The following PDLIM5 variants were observed in gnomAD, a reference collection of about 807,000 sequenced individuals.
PDLIM5 encodes the protein PDZ and LIM domain protein 5.
PDLIM5 carries 34 observed loss-of-function variants against 64.2 expected under a neutral mutation model. That is an observed-to-expected ratio of 0.53 (90% CI 0.40 to 0.71). PDLIM5 has a LOEUF of 0.71. Among genes scored for constraint, PDLIM5 ranks in the 30% least tolerant of loss-of-function variants. The pLI is 0.00. For synonymous variants in PDLIM5, 253 were observed against 269.1 expected, an observed-to-expected ratio of 0.94 and a Z score of 0.59; for missense variants, 683 against 733.6, an observed-to-expected ratio of 0.93 and a Z score of 0.80.
chr4:94,632,804 A>AGGT (rs1231717006), intron 8 of PDLIM5, among the ~76,000 whole-genome samples: 1 of 152,204 alleles, frequency 6.6e-6, no homozygotes, highest in African/African-American at 2.4e-5. Flanking sequence ...GGCTTTGAAG[A>AGGT]GGTGGAAGGG....
At chr4:94,628,199 T>C (rs141372445) in intron 8 of PDLIM5, among the ~76,000 whole-genome samples, 17 of 152,312 alleles carry the variant, frequency 1.1e-4, no homozygotes, top group African/African-American at 3.8e-4. Context: ...ATGACATTTC[T>C]AACATCACAG....
At chr4:94,478,655 G>T (rs1055200570) in intron 2 of PDLIM5, among the ~76,000 whole-genome samples, 1 of 151,990 alleles carries the variant, frequency 6.6e-6, no homozygotes, top group Non-Finnish European at 1.5e-5. Flanking sequence ...AGTTAGGCAC[G>T]TAAGTTAAAG....
intron 2 of PDLIM5, among the ~76,000 whole-genome samples, chr4:94,483,891 AT>A: frequency 6.6e-6 from 1 of 152,348 alleles, no homozygotes; most frequent in East Asian, 1.9e-4. Context: ...TTCATGTACC[AT>A]CTAAAATAAT....
chr4:94,548,922 C>T (rs999118920), intron 3 of PDLIM5, among the ~76,000 whole-genome samples: 2 of 151,822 alleles, frequency 1.3e-5, no homozygotes, highest in Non-Finnish European at 2.9e-5. Context: ...TAACCCTGTG[C>T]TTTCCATTGC....
intron 2 of PDLIM5, among the ~76,000 whole-genome samples, chr4:94,514,925 C>G (rs1339107345): frequency 6.6e-6 from 1 of 152,068 alleles, no homozygotes; most frequent in Non-Finnish European, 1.5e-5. Context: ...AATGTGCATA[C>G]TTTTTAAGAA....
chr4:94,565,632 C>T (rs1371467065), intron 3 of PDLIM5, among the ~76,000 whole-genome samples: 1 of 152,172 alleles, frequency 6.6e-6, no homozygotes, highest in Non-Finnish European at 1.5e-5. Flanking sequence ...CCCAATTTAG[C>T]ACCAGAGAAG....
At chr4:94,530,186 T>G (rs1183172269) in intron 3 of PDLIM5, among the ~76,000 whole-genome samples, 2 of 152,152 alleles carry the variant, frequency 1.3e-5, no homozygotes, top group Non-Finnish European at 2.9e-5. Context: ...ATGGGTGATT[T>G]CTAAATTCCC....
chr4:94,543,017 T>A (rs1371362832), intron 3 of PDLIM5, among the ~76,000 whole-genome samples: 1 of 152,230 alleles, frequency 6.6e-6, no homozygotes, highest in African/African-American at 2.4e-5. Flanking sequence ...GCCCCTCATA[T>A]ATTTTCATTC....
chr4:94,552,482 ATAGAT>A (rs1732895330), intron 3 of PDLIM5, among the ~76,000 whole-genome samples: 1 of 152,242 alleles, frequency 6.6e-6, no homozygotes, highest in South Asian at 2.1e-4. Flanking sequence ...TAAAAAAGAA[ATAGAT>A]TAAATTCCAA....
At chr4:94,513,135 C>T (rs181909201) in intron 2 of PDLIM5, among the ~76,000 whole-genome samples, 1 of 151,924 alleles carries the variant, frequency 6.6e-6, no homozygotes, top group Non-Finnish European at 1.5e-5. Context: ...TTAATATAAC[C>T]CTGTAGTGTA....
chr4:94,498,074 C>A (rs961307498), intron 2 of PDLIM5, among the ~76,000 whole-genome samples: 2 of 152,158 alleles, frequency 1.3e-5, no homozygotes, highest in Admixed American at 6.5e-5. Flanking sequence ...AGCCAGTAAT[C>A]CACATGAGGA....
chr4:94,583,772 A>G (rs1011275011), intron 5 of PDLIM5, among the ~76,000 whole-genome samples: 1 of 152,208 alleles, frequency 6.6e-6, no homozygotes, highest in Admixed American at 6.6e-5. Context: ...GATTATTCAT[A>G]GTCGTAGAAC....
chr4:94,547,415 C>G (rs1387564638), intron 3 of PDLIM5, among the ~76,000 whole-genome samples: 2 of 152,170 alleles, frequency 1.3e-5, no homozygotes, highest in African/African-American at 2.4e-5. Context: ...GGGTCTGTCT[C>G]ACATCATATC....
chr4:94,610,133 C>G, intron 7 of PDLIM5: 1 of 1,424,866 alleles, frequency 7.0e-7, no homozygotes, highest in Non-Finnish European at 9.4e-7. Context: ...TTTTGTTCCT[C>G]TCCTGTTTTT....
At chr4:94,610,997 A>T in intron 7 of PDLIM5, 3 of 1,139,614 alleles carry the variant, frequency 2.6e-6, no homozygotes, top group Non-Finnish European at 3.8e-6. Flanking sequence ...TTCAAATCAC[A>T]GACCTTAAGA....
At chr4:94,546,078 G>T (rs1429847882) in intron 3 of PDLIM5, among the ~76,000 whole-genome samples, 1 of 152,034 alleles carries the variant, frequency 6.6e-6, no homozygotes, top group Non-Finnish European at 1.5e-5. Flanking sequence ...ATAAATATTT[G>T]TTTTCCACTT....
intron 8 of PDLIM5, among the ~76,000 whole-genome samples, chr4:94,619,358 T>TC (rs993394785): frequency 6.6e-6 from 1 of 150,810 alleles, no homozygotes; most frequent in Non-Finnish European, 1.5e-5. Flanking sequence ...TTTTCTTTTT[T>TC]TTTTTTCCAC....
At chr4:94,527,046 CTTTTTTTTTTTT>C (rs57625095) in intron 3 of PDLIM5, among the ~76,000 whole-genome samples, 4 of 57,812 alleles carry the variant, frequency 6.9e-5, no homozygotes, top group Admixed American at 2.1e-4. Context: ...GAACAGCATT[CTTTTTTTTTTTT>C]TTTTTTTTTT....
At chr4:94,522,220 A>C (rs561665469) in intron 2 of PDLIM5, among the ~76,000 whole-genome samples, 28 of 152,340 alleles carry the variant, frequency 1.8e-4, no homozygotes, top group African/African-American at 6.3e-4. Context: ...ACCTGATAGC[A>C]TAAGTGGAAC....
Sources: gnomAD v4.1 joint callset for allele counts (sites outside exome capture counted in the v4.1 genomes callset) on GRCh38, gnomAD v4.1.1 for gene constraint, MANE v1.5 for transcripts, NCBI Gene and HGNC (gene_info 2026-07-23, HGNC 2026-07-21) for gene names.